The following SYT1 variants were observed in gnomAD, a reference collection of about 807,000 sequenced individuals.
SYT1 encodes synaptotagmin 1, also known as synaptotagmin-1.
SYT1 carries 8 observed loss-of-function variants against 44.8 expected under a neutral mutation model. The observed-to-expected ratio is 0.18, with a 90% confidence interval of 0.10 to 0.32. The LOEUF (loss-of-function observed/expected upper bound fraction) is 0.32. Ranked by LOEUF, SYT1 falls within the 10% of genes least tolerant of loss-of-function variation. The probability of loss-of-function intolerance (pLI) is 1.00; values close to 1 mark genes in which losing one functional copy is unlikely to be tolerated. For missense variants in SYT1, 286 were observed against 509.3 expected, an observed-to-expected ratio of 0.56 and a Z score of 4.22; for synonymous variants, 154 against 188.8, an observed-to-expected ratio of 0.82 and a Z score of 1.51.
intron 1 of SYT1, among the ~76,000 whole-genome samples, chr12:78,968,998 G>T (rs963411075): frequency 1.3e-5 from 2 of 152,144 alleles, no homozygotes; most frequent in African/African-American, 4.8e-5. Context: ...AAATATATAT[G>T]CAGTGACCCT....
chr12:79,280,859 A>G (rs542270110), intron 4 of SYT1, among the ~76,000 whole-genome samples: 1 of 152,116 alleles, frequency 6.6e-6, no homozygotes, highest in Non-Finnish European at 1.5e-5. Flanking sequence ...GATTTTTCAA[A>G]AGAAGCCATA....
At chr12:79,255,757 G>T (rs927448244) in intron 4 of SYT1, among the ~76,000 whole-genome samples, 1 of 152,184 alleles carries the variant, frequency 6.6e-6, no homozygotes, top group Non-Finnish European at 1.5e-5. Flanking sequence ...AGGTGCCCTT[G>T]TGTTTGCAGT....
intron 4 of SYT1, among the ~76,000 whole-genome samples, chr12:79,226,727 G>A (rs747249618): frequency 2.0e-5 from 3 of 151,982 alleles, no homozygotes; most frequent in African/African-American, 7.2e-5. Flanking sequence ...AGAAAACACA[G>A]CATCATAAAT....
chr12:79,126,143 T>C (rs1868423098), intron 3 of SYT1, among the ~76,000 whole-genome samples: 1 of 152,270 alleles, frequency 6.6e-6, no homozygotes, highest in Admixed American at 6.5e-5. Flanking sequence ...AATTATTAGG[T>C]ATCAGAAACT....
chr12:78,937,150 T>G (rs1476934082), intron 1 of SYT1, among the ~76,000 whole-genome samples: 1 of 152,206 alleles, frequency 6.6e-6, no homozygotes, highest in Admixed American at 6.5e-5. Flanking sequence ...GGAAGCAGCC[T>G]GTCTAAAATT....
intron 9 of SYT1, among the ~76,000 whole-genome samples, chr12:79,354,058 G>C (rs569255142): frequency 8.3e-4 from 127 of 152,200 alleles, no homozygotes; most frequent in South Asian, 2.1e-3. Flanking sequence ...ATTTATTAAA[G>C]ACACAGCATT....
At chr12:79,394,939 A>C (rs1884809930) in intron 9 of SYT1, among the ~76,000 whole-genome samples, 1 of 152,224 alleles carries the variant, frequency 6.6e-6, no homozygotes, top group African/African-American at 2.4e-5. Context: ...TAAGTTGATA[A>C]ATTTCATGAG....
chr12:79,224,167 T>G (rs542842853), intron 4 of SYT1, among the ~76,000 whole-genome samples: 21 of 152,280 alleles, frequency 1.4e-4, no homozygotes, highest in African/African-American at 5.1e-4. Context: ...TCTGCCTCAG[T>G]CCAGTTGCAT....
rs1275882710 is a variant in SYT1, at chr12:79,179,392, A to C, written c.-17-38111A>C. ...GATATAGATATAGATATATCGATAT[A>C]GATATCCATATAGATATAGATATAG... On this transcript the variant is annotated intron_variant, in intron 3 of 10. Transcript: ENST00000261205. 1.3e-3 allele frequency among the ~76,000 whole-genome samples: 37 copies of C among 29,500 alleles called. 3 individuals carry two copies. The highest frequency in any genetic ancestry group is 8.2e-3 in the African/African-American group (37 of 4,528). The allele number at this position is 29,500 out of a possible 152,430, so 19.4% of individuals were successfully genotyped here. A position where few individuals can be genotyped will look rare whatever the true frequency, so the allele number is the denominator to read the frequency against.
At chr12:79,329,342 G>A (rs1881753035) in intron 8 of SYT1, among the ~76,000 whole-genome samples, 1 of 152,124 alleles carries the variant, frequency 6.6e-6, no homozygotes, top group Admixed American at 6.5e-5. Context: ...TTAGGGGAAT[G>A]TCTCTATATG....
chr12:79,176,640 T>C (rs769752522), intron 3 of SYT1, among the ~76,000 whole-genome samples: 10 of 152,116 alleles, frequency 6.6e-5, no homozygotes, highest in African/African-American at 9.6e-5. Context: ...TTTTTAACTT[T>C]ACATTTGAAA....
At chr12:79,257,932 T>C (rs968586819) in intron 4 of SYT1, among the ~76,000 whole-genome samples, 13 of 152,170 alleles carry the variant, frequency 8.5e-5, no homozygotes, top group Admixed American at 8.5e-4. Context: ...GTAGGATGAA[T>C]GCTAACAAAT....
chr12:79,198,743 G>A (rs765978778), intron 3 of SYT1, among the ~76,000 whole-genome samples: 8 of 152,154 alleles, frequency 5.3e-5, no homozygotes, highest in Non-Finnish European at 1.2e-4. Flanking sequence ...GAAACAAGAT[G>A]TAAGTGTGAA....
chr12:79,293,249 G>A (rs76210021), intron 6 of SYT1, among the ~76,000 whole-genome samples: 9 of 151,128 alleles, frequency 6.0e-5, no homozygotes, highest in African/African-American at 1.5e-4. Flanking sequence ...GTGTGAACCC[G>A]GGAGGCAGAG....
intron 4 of SYT1, among the ~76,000 whole-genome samples, chr12:79,221,392 A>G (rs1186444821): frequency 6.6e-6 from 1 of 152,080 alleles, no homozygotes; most frequent in Non-Finnish European, 1.5e-5. Context: ...GGAGAATTTA[A>G]CCTATTTACA....
intron 8 of SYT1, among the ~76,000 whole-genome samples, chr12:79,344,261 C>A (rs1882505332): frequency 6.6e-6 from 1 of 152,174 alleles, no homozygotes; most frequent in Non-Finnish European, 1.5e-5. Context: ...CCTCACCAAA[C>A]ATGCCTTTTA....
At chr12:79,324,197 G>C (rs1290966746) in intron 8 of SYT1, among the ~76,000 whole-genome samples, 1 of 151,982 alleles carries the variant, frequency 6.6e-6, no homozygotes, top group South Asian at 2.1e-4. Context: ...TGATCTGCCT[G>C]CCTCGGCCTC....
chr12:78,960,962 T>C (rs1437898083), intron 1 of SYT1, among the ~76,000 whole-genome samples: 1 of 152,102 alleles, frequency 6.6e-6, no homozygotes, highest in Non-Finnish European at 1.5e-5. Flanking sequence ...GGCTCTGTCA[T>C]CCATTAATTT....
At chr12:78,956,924 C>A (rs1879245779) in intron 1 of SYT1, among the ~76,000 whole-genome samples, 1 of 152,038 alleles carries the variant, frequency 6.6e-6, no homozygotes, top group African/African-American at 2.4e-5. Context: ...TCAAATAGGA[C>A]AGGAGCCCCA....
Sources: allele counts gnomAD v4.1 joint callset (sites outside exome capture counted in the v4.1 genomes callset), GRCh38; gene constraint gnomAD v4.1.1; transcripts MANE v1.5; gene names NCBI Gene and HGNC (gene_info 2026-07-23, HGNC 2026-07-21).